AFMID: variants seen among roughly 807,000 people sequenced by gnomAD.
AFMID encodes the protein kynurenine formamidase.
Under a neutral mutation model 47.5 loss-of-function variants are expected in AFMID, and 39 were observed. The ratio of observed to expected loss-of-function variants is 0.82; its 90% confidence interval spans 0.64 to 1.07. AFMID has a LOEUF of 1.07. AFMID is among the 50% of genes least tolerant of loss of function. The pLI is 0.00. For missense variants in AFMID, 375 were observed against 387.5 expected (o/e 0.97, Z 0.27); for synonymous variants, 130 against 153.2 (o/e 0.85, Z 1.12).
At chr17:78,194,804 C>T (rs780771444) in intron 2 of AFMID, among the ~76,000 whole-genome samples, 4 of 152,210 alleles carry the variant, frequency 2.6e-5, no homozygotes, top group Admixed American at 1.3e-4. Context: ...AAGCGATTCT[C>T]CTGCCTCAGC....
At chr17:78,189,830 G>GTTTT (rs770053983) in intron 1 of AFMID, among the ~76,000 whole-genome samples, 4 of 109,440 alleles carry the variant, frequency 3.7e-5, no homozygotes, top group Admixed American at 2.0e-4. Context: ...TTTTCTGTTG[G>GTTTT]TTTTTTTTTT....
intron 2 of AFMID, among the ~76,000 whole-genome samples, chr17:78,195,071 T>C (rs2076076164): frequency 6.6e-6 from 1 of 152,180 alleles, no homozygotes; most frequent in South Asian, 2.1e-4. Context: ...TTCTGTATGA[T>C]TTCATTTAAA....
rs61742958 is a variant in AFMID, at chr17:78,205,101, A to G, written c.476A>G (p.Tyr159Cys). 2.2e-3 allele frequency: 3,612 copies of G among 1,610,748 alleles called. 83 individuals carry two copies. In the African/African-American group the frequency reaches 0.042, roughly 19 times the overall value. ...QKRYPSNKGIYLCGHSAGAHL... is the reference protein window; with the variant it reads ...QKRYPSNKGICLCGHSAGAHL... Reference sequence around the variant, plus strand: ...GCTCTGACCCCTCCCAGGGGAATTTACCTGTGTGGACACTCAGCCGGGGCC... The same window carrying G: ...GCTCTGACCCCTCCCAGGGGAATTTGCCTGTGTGGACACTCAGCCGGGGCC... The change falls in exon 7 of 11, where the codon TAC (tyrosine) becomes TGC (cysteine). Residue 159 changes from tyrosine to cysteine, a missense_variant. Coordinates refer to ENST00000409257, the MANE Select transcript of AFMID (RefSeq NM_001010982.5).
At chr17:78,193,891 G>C (rs988834642) in intron 2 of AFMID, among the ~76,000 whole-genome samples, 6 of 151,152 alleles carry the variant, frequency 4.0e-5, no homozygotes, top group African/African-American at 1.5e-4. Flanking sequence ...CAGGAGAATG[G>C]CTTGAACCCA....
chr17:78,201,068 C>T (rs2076231395), intron 2 of AFMID, among the ~76,000 whole-genome samples: 1 of 151,722 alleles, frequency 6.6e-6, no homozygotes, highest in Non-Finnish European at 1.5e-5. Context: ...GCAATCTCAG[C>T]TCACTGCAGC....
At chr17:78,190,065 C>T (rs1401636337) in intron 1 of AFMID, among the ~76,000 whole-genome samples, 2 of 146,262 alleles carry the variant, frequency 1.4e-5, no homozygotes, top group Non-Finnish European at 3.0e-5. Context: ...CTCCTGACCT[C>T]GTGATCCCGC....
chr17:78,204,983 G>A, intron 6 of AFMID, 83 bp downstream of exon 6: 1 of 1,587,768 alleles, frequency 6.3e-7, no homozygotes. Flanking sequence ...ATACAGCCAA[G>A]CTGCCCCTCT....
chr17:78,204,380 C>A (rs2076321873), intron 4 of AFMID, among the ~76,000 whole-genome samples: 1 of 152,204 alleles, frequency 6.6e-6, no homozygotes, highest in African/African-American at 2.4e-5. Context: ...GTCGAGGCTA[C>A]AGTGATCCAT....
intron 4 of AFMID, 139 bp from the exon 5 acceptor site, chr17:78,204,517 C>G (rs543257001): frequency 1.3e-6 from 1 of 780,936 alleles, no homozygotes; most frequent in Non-Finnish European, 2.2e-6. Flanking sequence ...AGAGCCTGTC[C>G]GCTTCACTCT....
At chr17:78,202,102 G>T (rs1053910523) in intron 2 of AFMID, among the ~76,000 whole-genome samples, 1 of 151,732 alleles carries the variant, frequency 6.6e-6, no homozygotes, top group African/African-American at 2.4e-5. Context: ...CTTTCAGCTG[G>T]AATGTTTCTA....
At chr17:78,191,748 G>A (rs1421084449) in intron 2 of AFMID, among the ~76,000 whole-genome samples, 1 of 151,136 alleles carries the variant, frequency 6.6e-6, no homozygotes, top group Non-Finnish European at 1.5e-5. Flanking sequence ...GGAGTGCAGT[G>A]GCGCGATCTC....
chr17:78,191,003 G>GCCC lies in AFMID; in HGVS notation c.97_98insCCC (p.Val33delinsAlaLeu). On this transcript the variant is annotated protein_altering_variant, in exon 2 of 11. Transcript: ENST00000409257. ...GAATCAGTACTGTCCCAGCCGATGGGTTGTCCGACTGGGAGCAGAGGAAGC... is the reference window on the plus strand; with the variant it reads ...GAATCAGTACTGTCCCAGCCGATGGGCCCTTGTCCGACTGGGAGCAGAGGAAGC... 6.2e-7 allele frequency: 1 copy of GCCC among 1,614,086 alleles called. No homozygotes were observed. Among genetic ancestry groups the GCCC allele is most frequent in the Non-Finnish European group, 8.5e-7 (1 of 1,180,000 alleles).
Position 78,206,898 on chromosome 17 carries a change from C to T in AFMID, c.886-13C>T, listed in dbSNP as rs1396008537. Reference sequence around the variant, plus strand: ...TGATTCTGGGGCTTTTGTGTCTTCTCTTCCTGTTCCAGATTATCTTGAAAA... The same window carrying T: ...TGATTCTGGGGCTTTTGTGTCTTCTTTTCCTGTTCCAGATTATCTTGAAAA... On this transcript the variant is annotated splice_polypyrimidine_tract_variant and intron_variant, in intron 10 of 10. Transcript: ENST00000409257. The T allele has an allele frequency of 6.2e-7, 1 of 1,613,916 alleles. No homozygotes were observed. Among genetic ancestry groups the T allele is most frequent in the Non-Finnish European group, 8.5e-7 (1 of 1,179,904 alleles).
intron 2 of AFMID, among the ~76,000 whole-genome samples, chr17:78,193,361 A>C (rs2076023684): frequency 8.4e-6 from 1 of 119,458 alleles, no homozygotes; most frequent in African/African-American, 3.5e-5. Flanking sequence ...ACAGAGCGAG[A>C]CTCTGTCTCA....
chr17:78,199,229 G>A (rs565238707), intron 2 of AFMID, among the ~76,000 whole-genome samples: 2 of 152,316 alleles, frequency 1.3e-5, no homozygotes, highest in South Asian at 4.1e-4. Flanking sequence ...CAGCTGAAGT[G>A]GAGACAGCCC....
chr17:78,206,070 A>G lies in AFMID; in HGVS notation c.885+20A>G. ...ACCCAGGTGGGGCCTCATCCCTGGC[A>G]GCCCTTTCATGGTAGACAGCACAGG... On this transcript the variant is annotated intron_variant, in intron 10 of 10. Coordinates refer to ENST00000409257, the MANE Select transcript of AFMID (RefSeq NM_001010982.5). 1 of 1,608,244 alleles carries G rather than the reference A, an allele frequency of 6.2e-7. No individual in the cohort carries two copies. The highest frequency in any genetic ancestry group is 8.5e-7 in the Non-Finnish European group (1 of 1,174,880).
intron 2 of AFMID, 151 bp downstream of exon 2, chr17:78,191,211 A>T (rs2075959781): frequency 4.4e-6 from 3 of 683,316 alleles, no homozygotes; most frequent in Non-Finnish European, 7.6e-6. Flanking sequence ...CTCCCTGCTC[A>T]GGGGCAGGTG....
Position 78,187,384 on chromosome 17 carries a change from C to T in AFMID, c.14C>T (p.Ser5Phe), listed in dbSNP as rs775209283. 1 of 1,613,930 alleles carries T rather than the reference C, an allele frequency of 6.2e-7. No individual in the cohort carries two copies. Among genetic ancestry groups the T allele is most frequent in the East Asian group, 2.2e-5 (1 of 44,756 alleles). MMDVSGVGFPSKVPW... is the reference protein window; with the variant it reads MMDVFGVGFPSKVPW... ...GCTGTAGACGCCATGATGGATGTGT[C>T]TGGTGTGGGTTTCCCAAGCAAGGTT... The change falls in exon 1 of 11, where the codon TCT becomes TTT. Residue 5 changes from serine to phenylalanine, a missense_variant. By Grantham distance (155) the Ser-to-Phe change is radical. Transcript: ENST00000409257.
intron 2 of AFMID, among the ~76,000 whole-genome samples, chr17:78,193,400 C>CAAAAAA: frequency 7.5e-6 from 1 of 133,446 alleles, no homozygotes; most frequent in African/African-American, 2.9e-5. Context: ...AAAAAAAAAG[C>CAAAAAA]TGTAAGCAAA....
Sources: allele counts gnomAD v4.1 joint callset (sites outside exome capture counted in the v4.1 genomes callset), GRCh38; gene constraint gnomAD v4.1.1; transcripts MANE v1.5; gene names NCBI Gene and HGNC (gene_info 2026-07-23, HGNC 2026-07-21).